ANKRD13A: variants seen among roughly 807,000 people sequenced by gnomAD.
ANKRD13A encodes the protein ankyrin repeat domain-containing protein 13A.
A neutral mutation model predicts 81.3 loss-of-function variants in ANKRD13A; 48 were observed. The observed-to-expected ratio is 0.59, with a 90% CI of 0.47 to 0.75. The LOEUF (loss-of-function observed/expected upper bound fraction) is 0.75, where lower values mean the gene tolerates loss of function less well. Among genes scored for constraint, ANKRD13A ranks in the 30% least tolerant of loss-of-function variants. ANKRD13A has a pLI of 0.00. For synonymous variants in ANKRD13A, 230 were observed against 270.1 expected (o/e 0.85, Z 1.45); for missense variants, 612 against 734.0 (o/e 0.83, Z 1.92).
chr12:109,999,722 C>T lies in ANKRD13A; in HGVS notation c.34C>T (p.Pro12Ser). ...GGCCTGCGACGCGGGCGACCACTAC[C>T]CCCTGCACCTCCTAGTCTGGAAAAA... ...SSACDAGDHY[P>S]LHLLVWKNDY... Residue 12 changes from proline to serine, a missense_variant, in exon 1 of 15, where the codon CCC becomes TCC. Transcript: ENST00000261739. The surrounding 1 kb of genome is among the most constrained non-coding windows in gnomAD (Gnocchi z 4.3). The T allele has an allele frequency of 7.8e-6, 12 of 1,538,492 alleles. No individual in the cohort carries two copies. The highest frequency in any genetic ancestry group is 1.1e-5 in the Non-Finnish European group (12 of 1,140,944).
Position 110,033,920 on chromosome 12 carries a change from C to T in ANKRD13A, c.1472C>T (p.Ala491Val). 6.2e-7 allele frequency: 1 copy of T among 1,610,844 alleles called. No homozygotes were observed. The highest frequency in any genetic ancestry group is 1.1e-5 in the South Asian group (1 of 90,526). The change falls in exon 13 of 15, where the codon GCC becomes GTC. Residue 491 changes from alanine to valine, a missense_variant. Coordinates refer to ENST00000261739, the MANE Select transcript of ANKRD13A (RefSeq NM_033121.2). ...QDEDYEIMQF[A>V]IQQSLLESSR... The stretch of plus-strand genomic sequence containing the variant: ...GAAGATTACGAGATAATGCAGTTTG[C>T]CATCCAGCAAAGTCTGCTGGAGTCC...
chr12:110,030,497 C>T lies in ANKRD13A; in HGVS notation c.1235-148C>T. On this transcript the variant is annotated intron_variant, in intron 11 of 14. Coordinates refer to ENST00000261739, the MANE Select transcript of ANKRD13A (RefSeq NM_033121.2). ...TACACAACTCTCAATCTCAGTTTTC[C>T]CGTCTGTGTATTGGGAAGGGTTGTT... 6 of 365,766 alleles carry T rather than the reference C, an allele frequency of 1.6e-5. No homozygotes were observed. In the South Asian group the frequency reaches 2.1e-4, roughly 13 times the overall value. 22.7% of individuals were successfully genotyped at this position (365,766 alleles called of 1,614,324 possible).
At chr12:110,020,489 G>A (rs1176775922) in intron 6 of ANKRD13A, among the ~76,000 whole-genome samples, 2 of 152,256 alleles carry the variant, frequency 1.3e-5, no homozygotes, top group Non-Finnish European at 2.9e-5. Context: ...GTCCAGGGCT[G>A]CTGCTAGGGC....
rs1230145899 is a variant in ANKRD13A at position 109,999,801 on chromosome 12, G to A, written c.96+17G>A. ...CAGGGCCAGGTGAGGGGCGGGGCGG[G>A]GGTCCGTCTCCCGGTGGGGACTTCG... On this transcript the variant is annotated intron_variant, in intron 1 of 14. Coordinates refer to ENST00000261739, the MANE Select transcript of ANKRD13A (RefSeq NM_033121.2). This position sits in a 1 kb window ranked among gnomAD's most constrained non-coding sequence, Gnocchi z 4.3. 1.3e-6 allele frequency: 2 copies of A among 1,526,048 alleles called. No individual in the cohort carries two copies. The highest frequency in any genetic ancestry group is 1.4e-5 in the African/African-American group (1 of 71,544). The allele number at this position is 1,526,048 out of a possible 1,614,324, so 94.5% of individuals were successfully genotyped here. A position where few individuals can be genotyped will look rare whatever the true frequency, so the allele number is the denominator to read the frequency against.
At chr12:110,014,996 T>C (rs1463076564) in intron 3 of ANKRD13A, among the ~76,000 whole-genome samples, 7 of 151,910 alleles carry the variant, frequency 4.6e-5, no homozygotes, top group African/African-American at 1.7e-4. Context: ...CACCATGGTC[T>C]CGATCTCCTG....
At position 110,036,884 on chromosome 12, in the gene ANKRD13A, T is replaced by C. The variant is rs898779555; in HGVS notation, c.1578-475T>C. 3.9e-5 allele frequency among the ~76,000 whole-genome samples: 6 copies of C among 152,144 alleles called. No individual in the cohort carries two copies. The highest frequency in any genetic ancestry group is 1.2e-4 in the African/African-American group (5 of 41,440). On this transcript the variant is annotated intron_variant, in intron 14 of 14. Transcript: ENST00000261739. This position sits in a 1 kb window ranked among gnomAD's most constrained non-coding sequence, Gnocchi z 4.6. ...CTGACTGGTTCACAGGTCAGTGCCA[T>C]TGGGGGAAACGTACTGAGTCAGTTT...
At position 110,013,253 on chromosome 12, in the gene ANKRD13A, T is replaced by A; in HGVS notation, c.354+4T>A. On this transcript the variant is annotated splice_donor_region_variant and intron_variant, in intron 3 of 14. Coordinates refer to ENST00000261739, the MANE Select transcript of ANKRD13A (RefSeq NM_033121.2). ...GCTGCTCCAAAAAATTCTCGAGGTA[T>A]CCATGAAAATGTGGCCAGGCCATAA... 6.2e-7 allele frequency: 1 copy of A among 1,613,872 alleles called. No individual in the cohort carries two copies. The highest frequency in any genetic ancestry group is 8.5e-7 in the Non-Finnish European group (1 of 1,179,948).
At position 110,012,227 on chromosome 12, in the gene ANKRD13A, C is replaced by T. The variant is rs147223311; in HGVS notation, c.229+90C>T. ...AAAAAATATGAAAATTAGCCAGGTG[C>T]GGTGGTGCATGTCTGTAGTACCAGC... On this transcript the variant is annotated intron_variant, in intron 2 of 14. Transcript: ENST00000261739. 4,352 of 1,415,756 alleles carry T rather than the reference C, an allele frequency of 3.1e-3. 53 individuals carry two copies. Among genetic ancestry groups the T allele is most frequent in the African/African-American group, 0.03 (2,131 of 70,558 alleles). The allele number at this position is 1,415,756 out of a possible 1,614,324, so 87.7% of individuals were successfully genotyped here. A position where few individuals can be genotyped will look rare whatever the true frequency, so the allele number is the denominator to read the frequency against.
chr12:110,015,112 G>A (rs577673838), intron 3 of ANKRD13A, among the ~76,000 whole-genome samples: 1 of 151,886 alleles, frequency 6.6e-6, no homozygotes, highest in South Asian at 2.1e-4. Flanking sequence ...TTAGATTTCT[G>A]AATCTTTAGG....
intron 6 of ANKRD13A, 178 bp from the exon 7 acceptor site, chr12:110,023,868 G>A: frequency 1.7e-6 from 1 of 578,266 alleles, no homozygotes; most frequent in Non-Finnish European, 3.1e-6. Flanking sequence ...TGGGAGGAGG[G>A]TGGAGGGTGC....
In ANKRD13A at chr12:109,999,758, C is replaced by A. The variant is rs1183137546; in HGVS notation, c.70C>A (p.Gln24Lys). 3.9e-6 allele frequency: 6 copies of A among 1,531,164 alleles called. No individual in the cohort carries two copies. Among genetic ancestry groups the A allele is most frequent in the Non-Finnish European group, 4.4e-6 (5 of 1,137,106 alleles). The allele number at this position is 1,531,164 out of a possible 1,614,324, so 94.8% of individuals were successfully genotyped here. A position where few individuals can be genotyped will look rare whatever the true frequency, so the allele number is the denominator to read the frequency against. Residue 24 changes from glutamine (Q) to lysine (K), a missense_variant, in exon 1 of 15, where the codon CAG becomes AAG. Transcript: ENST00000261739. The surrounding 1 kb of genome is among the most constrained non-coding windows in gnomAD (Gnocchi z 4.3). Reference sequence around the variant, plus strand: ...CCTAGTCTGGAAAAACGACTACCGGCAGCTCGAGAAGGAGCTGCAGGGCCA... The same window carrying A: ...CCTAGTCTGGAAAAACGACTACCGGAAGCTCGAGAAGGAGCTGCAGGGCCA... ...HLLVWKNDYR[Q>K]LEKELQGQNV...
At chr12:110,023,068 G>A (rs910120658) in intron 6 of ANKRD13A, among the ~76,000 whole-genome samples, 21 of 152,314 alleles carry the variant, frequency 1.4e-4, no homozygotes, top group African/African-American at 4.6e-4. Context: ...TCTTTGTAAC[G>A]TGGCTAACCT....
chr12:110,011,387 A>C (rs1037046270), intron 1 of ANKRD13A, among the ~76,000 whole-genome samples: 6 of 152,166 alleles, frequency 3.9e-5, no homozygotes, highest in Non-Finnish European at 8.8e-5. Context: ...GCACTTGCCT[A>C]TTTCTTTGTG....
chr12:110,022,482 G>A (rs1387894618), intron 6 of ANKRD13A: 1 of 152,120 alleles, frequency 6.6e-6, no homozygotes, highest in Non-Finnish European at 1.5e-5. Flanking sequence ...AAATGCTTAG[G>A]GCAGTAGAGG....
chr12:110,019,240 A>G lies in ANKRD13A; in HGVS notation c.646A>G (p.Met216Val). Reference protein sequence around the residue: ...QEMERLTLDLMKPKSREVERR... With the variant: ...QEMERLTLDLVKPKSREVERR... ...AATGGAGCGCCTCACTCTGGACTTGATGAAGCCAAAAAGCAGGGAAGTTGA... is the reference window on the plus strand; with the variant it reads ...AATGGAGCGCCTCACTCTGGACTTGGTGAAGCCAAAAAGCAGGGAAGTTGA... Residue 216 changes from methionine to valine, a missense_variant, in exon 6 of 15, where the codon ATG becomes GTG. By Grantham distance (21) the Met-to-Val change is conservative. Coordinates refer to ENST00000261739, the MANE Select transcript of ANKRD13A (RefSeq NM_033121.2). The G allele has an allele frequency of 6.2e-7, 1 of 1,614,158 alleles. No individual in the cohort carries two copies. Among genetic ancestry groups the G allele is most frequent in the Non-Finnish European group, 8.5e-7 (1 of 1,179,982 alleles).
At chr12:110,011,265 T>TG (rs1890507331) in intron 1 of ANKRD13A, among the ~76,000 whole-genome samples, 1 of 152,126 alleles carries the variant, frequency 6.6e-6, no homozygotes, top group African/African-American at 2.4e-5. Flanking sequence ...GCGGTGCAGG[T>TG]GCCAAAAGGG....
chr12:110,028,616 G>A lies in ANKRD13A; in HGVS notation c.1050G>A (p.Pro350=), dbSNP rs367914311. 3.5e-5 allele frequency: 57 copies of A among 1,614,096 alleles called. No individual in the cohort carries two copies. Among genetic ancestry groups the A allele is most frequent in the Middle Eastern group, 3.3e-4 (2 of 6,084 alleles). The part of the protein sequence containing the change: ...FDLKDRDIGR[P]KELTIRTQKF... ...TGAAAGACAGGGACATTGGAAGGCC[G>A]AAAGAGCTGACGATTAGAACACAGA... The change falls in exon 10 of 15, where the codon CCG becomes CCA. Residue 350 remains proline (P), a synonymous_variant. Transcript: ENST00000261739.
At chr12:110,001,222 C>G (rs1209888997) in intron 1 of ANKRD13A, among the ~76,000 whole-genome samples, 1 of 151,338 alleles carries the variant, frequency 6.6e-6, no homozygotes, top group Non-Finnish European at 1.5e-5. Flanking sequence ...TCTTACAGAC[C>G]TGGTTTTTGA....
intron 3 of ANKRD13A, among the ~76,000 whole-genome samples, chr12:110,014,902 G>A (rs1890712424): frequency 6.6e-6 from 1 of 151,076 alleles, no homozygotes; most frequent in Admixed American, 6.6e-5. Flanking sequence ...TCCTGCCTCA[G>A]CCTCCCGAGT....
Sources: gnomAD v4.1 joint callset for allele counts (sites outside exome capture counted in the v4.1 genomes callset) on GRCh38, gnomAD v4.1.1 for gene constraint, Gnocchi (gnomAD v3.1) non-coding constraint, MANE v1.5 for transcripts, NCBI Gene and HGNC (gene_info 2026-07-23, HGNC 2026-07-21) for gene names.